UCHL3: variants seen among roughly 807,000 people sequenced by gnomAD.
UCHL3 encodes ubiquitin C-terminal hydrolase L3.
In UCHL3, 22 loss-of-function variants were observed where a neutral mutation model predicts 35.8. The observed-to-expected ratio is 0.61, with a 90% CI of 0.44 to 0.88. The LOEUF (loss-of-function observed/expected upper bound fraction) is 0.88. Ranked by LOEUF, UCHL3 falls within the 40% of genes least tolerant of loss-of-function variation. The pLI is 0.00. For synonymous variants in UCHL3, 90 were observed against 92.8 expected, an observed-to-expected ratio of 0.97 and a Z score of 0.17; for missense variants, 229 against 276.9, an observed-to-expected ratio of 0.83 and a Z score of 1.23.
In UCHL3 at chr13:75,566,831, A is replaced by C. The variant is rs1247187589; in HGVS notation, c.320A>C (p.Asn107Thr). ...TIGLIHAIAN[N>T]KDKMHFESGS... Reference sequence around the variant, plus strand: ...GGACTGATTCATGCTATTGCAAACAATAAAGACAAGATGCACTTTGGTAAA... The same window carrying C: ...GGACTGATTCATGCTATTGCAAACACTAAAGACAAGATGCACTTTGGTAAA... Residue 107 changes from asparagine (N) to threonine (T), a missense_variant, in exon 4 of 9, where the codon AAT (asparagine) becomes ACT (threonine). Transcript: ENST00000377595. 1 of 1,594,410 alleles carries C rather than the reference A, an allele frequency of 6.3e-7. No homozygotes were observed. The highest frequency in any genetic ancestry group is 8.5e-7 in the Non-Finnish European group (1 of 1,174,490).
intron 6 of UCHL3, among the ~76,000 whole-genome samples, chr13:75,592,944 G>A (rs767275311): frequency 6.6e-6 from 1 of 152,126 alleles, no homozygotes; most frequent in South Asian, 2.1e-4. Context: ...TTTAAACCTC[G>A]AGGTGGATAA....
At chr13:75,583,134 G>A (rs2032231402) in intron 6 of UCHL3, among the ~76,000 whole-genome samples, 1 of 152,154 alleles carries the variant, frequency 6.6e-6, no homozygotes, top group African/African-American at 2.4e-5. Context: ...ATACTTGTTA[G>A]AAACAATCTT....
intron 6 of UCHL3, among the ~76,000 whole-genome samples, chr13:75,574,881 G>A (rs966563244): frequency 1.3e-5 from 2 of 152,146 alleles, no homozygotes; most frequent in Admixed American, 1.3e-4. Context: ...GAGCTCAGGC[G>A]AGATATCTGG....
At position 75,560,843 on chromosome 13, in the gene UCHL3, G is replaced by A. The variant is rs1487506415; in HGVS notation, c.145G>A (p.Val49Ile). ...ACTCCTTAGCATGGTACCAAGACCA[G>A]TCTGTGCAGTCTTACTTCTCTTTCC... ...PELLSMVPRP[V>I]CAVLLLFPIT... The change falls in exon 3 of 9, where the codon GTC (valine) becomes ATC (isoleucine). Residue 49 changes from valine to isoleucine, a missense_variant. Coordinates refer to ENST00000377595, the MANE Select transcript of UCHL3 (RefSeq NM_006002.5). 1 of 1,541,004 alleles carries A rather than the reference G, an allele frequency of 6.5e-7. No homozygotes were observed. The highest frequency in any genetic ancestry group is 8.7e-7 in the Non-Finnish European group (1 of 1,154,420).
rs1352843861 is a variant in UCHL3, at chr13:75,601,661, C to CA, written c.551-3101dup. On this transcript the variant is annotated intron_variant, in intron 7 of 8. Transcript: ENST00000377595. ...CATAACTTTTATATGCACTAGGAAA[C>CA]AAAAAAATTTGTGACTCATTTTATT... is the stretch of plus-strand genomic sequence containing the variant. Among the ~76,000 whole-genome samples the CA allele has an allele frequency of 2.0e-5, 3 of 152,006 alleles. No homozygotes were observed. The South Asian group carries it at 6.2e-4, about 31-fold the overall frequency.
At chr13:75,587,037 A>C (rs2032344439) in intron 6 of UCHL3, among the ~76,000 whole-genome samples, 1 of 148,834 alleles carries the variant, frequency 6.7e-6, no homozygotes, top group African/African-American at 2.5e-5. Flanking sequence ...AAAAAAAAAG[A>C]GCAAATTAAA....
At chr13:75,593,417 T>C (rs927463633) in intron 6 of UCHL3, among the ~76,000 whole-genome samples, 1 of 152,160 alleles carries the variant, frequency 6.6e-6, no homozygotes, top group African/African-American at 2.4e-5. Flanking sequence ...TAAAGAAATA[T>C]GTTCAGGAGG....
chr13:75,593,792 G>T (rs80019912), intron 6 of UCHL3, among the ~76,000 whole-genome samples: 1 of 152,142 alleles, frequency 6.6e-6, no homozygotes, highest in Non-Finnish European at 1.5e-5. Context: ...GAAACATTCT[G>T]TATATCCAAG....
intron 3 of UCHL3, among the ~76,000 whole-genome samples, chr13:75,565,194 C>T (rs2031645320): frequency 6.6e-6 from 1 of 151,870 alleles, no homozygotes; most frequent in Non-Finnish European, 1.5e-5. Flanking sequence ...CACATTACAT[C>T]TTGAAATTAT....
intron 7 of UCHL3, among the ~76,000 whole-genome samples, chr13:75,597,107 A>G (rs1208728094): frequency 6.6e-6 from 1 of 152,248 alleles, no homozygotes; most frequent in Non-Finnish European, 1.5e-5. Context: ...TTCATTGCAA[A>G]GGAAACTGGC....
intron 6 of UCHL3, among the ~76,000 whole-genome samples, chr13:75,593,674 T>A (rs2032570647): frequency 6.6e-6 from 1 of 152,216 alleles, no homozygotes; most frequent in Non-Finnish European, 1.5e-5. Context: ...CTAGAAGAGC[T>A]GGCTTGCCAC....
At chr13:75,558,961 A>G (rs910438598) in intron 2 of UCHL3, among the ~76,000 whole-genome samples, 1 of 151,986 alleles carries the variant, frequency 6.6e-6, no homozygotes, top group Non-Finnish European at 1.5e-5. Flanking sequence ...GCTTTAGTGA[A>G]CTATAAATAG....
chr13:75,565,624 G>T (rs1014729250), intron 3 of UCHL3, among the ~76,000 whole-genome samples: 1 of 152,116 alleles, frequency 6.6e-6, no homozygotes, highest in Non-Finnish European at 1.5e-5. Context: ...ACTTTGCCTT[G>T]TAAACAGCCA....
At chr13:75,601,058 G>C (rs1179394603) in intron 7 of UCHL3, among the ~76,000 whole-genome samples, 1 of 152,190 alleles carries the variant, frequency 6.6e-6, no homozygotes, top group Non-Finnish European at 1.5e-5. Context: ...AAGAAAACTA[G>C]AATTAGAAGG....
At chr13:75,564,534 T>C (rs2031624074) in intron 3 of UCHL3, among the ~76,000 whole-genome samples, 1 of 152,162 alleles carries the variant, frequency 6.6e-6, no homozygotes, top group Admixed American at 6.6e-5. Flanking sequence ...CTGGGTCATA[T>C]GGTAGTCTAT....
At chr13:75,572,579 A>G (rs1010738319) in intron 6 of UCHL3, among the ~76,000 whole-genome samples, 1 of 152,180 alleles carries the variant, frequency 6.6e-6, no homozygotes, top group Admixed American at 6.5e-5. Flanking sequence ...CAAATTATCC[A>G]ATACTGTTCC....
At chr13:75,559,357 A>G (rs1436608759) in intron 2 of UCHL3, among the ~76,000 whole-genome samples, 1 of 152,072 alleles carries the variant, frequency 6.6e-6, no homozygotes, top group Admixed American at 6.5e-5. Flanking sequence ...CCGGACTCTT[A>G]TAGGGCATGT....
At chr13:75,588,507 A>G (rs373283842) in intron 6 of UCHL3, among the ~76,000 whole-genome samples, 83 of 152,276 alleles carry the variant, frequency 5.5e-4, no homozygotes, top group South Asian at 8.3e-4. Context: ...TTTTGTTCCC[A>G]TATAGAATCA....
intron 3 of UCHL3, among the ~76,000 whole-genome samples, chr13:75,565,394 C>G (rs1194191534): frequency 1.3e-5 from 2 of 152,092 alleles, no homozygotes; most frequent in Non-Finnish European, 2.9e-5. Context: ...TAATAAAATT[C>G]ATATTTTGAG....
Sources: allele counts gnomAD v4.1 joint callset (sites outside exome capture counted in the v4.1 genomes callset), GRCh38; gene constraint gnomAD v4.1.1; transcripts MANE v1.5; gene names NCBI Gene and HGNC (gene_info 2026-07-23, HGNC 2026-07-21).